Variants in SGSM1 observed in about 807,000 individuals in gnomAD.
SGSM1 encodes the protein small G protein signaling modulator 1.
Under a neutral mutation model 133.8 loss-of-function variants are expected in SGSM1, and 73 were observed. That is an observed-to-expected ratio of 0.55 (90% CI 0.45 to 0.66). The LOEUF is 0.66. Among genes scored for constraint, SGSM1 ranks in the 30% least tolerant of loss-of-function variants. The probability of loss-of-function intolerance (pLI) is 0.00; values close to 1 mark genes in which losing one functional copy is unlikely to be tolerated. For missense variants in SGSM1, 1,213 were observed against 1,448.1 expected, an observed-to-expected ratio of 0.84 and a Z score of 2.64; for synonymous variants, 563 against 573.0, an observed-to-expected ratio of 0.98 and a Z score of 0.25.
chr22:24,873,278 T>C (rs369439032), intron 12 of SGSM1, among the ~76,000 whole-genome samples: 2 of 152,066 alleles, frequency 1.3e-5, no homozygotes, highest in South Asian at 2.1e-4. Context: ...TGTGTTTCTA[T>C]TGGGTAATGC....
rs13055376 is a variant in SGSM1 at position 24,846,035 on chromosome 22, T to C, written c.139+1063T>C. Among the ~76,000 whole-genome samples, 191 of 128,718 alleles carry C rather than the reference T, an allele frequency of 1.5e-3. 2 individuals are homozygous for C. The highest frequency in any genetic ancestry group is 6.9e-3 in the African/African-American group (186 of 27,078). 84.4% of individuals were successfully genotyped at this position (128,718 alleles called of 152,430 possible). On this transcript the variant is annotated intron_variant, in intron 3 of 24. Coordinates refer to ENST00000400358, the MANE Select transcript of SGSM1 (RefSeq NM_001098497.3). ...TTCATTTCTTTCTCTCTTTCTCTCT[T>C]TCTTTCTTTTTTTTTTTTTTTGAGA...
rs766843794 is a variant in SGSM1, at chr22:24,868,461, G to A, written c.1080G>A (p.Leu360=). The A allele has an allele frequency of 3.1e-6, 5 of 1,613,812 alleles. No homozygotes were observed. In the African/African-American group the frequency reaches 6.7e-5, roughly 22 times the overall value. Residue 360 remains leucine (L), a synonymous_variant, in exon 11 of 25, where the codon CTG becomes CTA. Coordinates refer to ENST00000400358, the MANE Select transcript of SGSM1 (RefSeq NM_001098497.3). ...PFRFPKGGHL[L]QFLSCLENGL... Reference sequence around the variant, plus strand: ...GCTTCCCCAAGGGCGGGCACCTCCTGCAGTTCCTCTCGTGCCTGGAGAATG... The same window carrying A: ...GCTTCCCCAAGGGCGGGCACCTCCTACAGTTCCTCTCGTGCCTGGAGAATG...
chr22:24,852,038 G>A (rs955377786), intron 5 of SGSM1, among the ~76,000 whole-genome samples: 4 of 152,204 alleles, frequency 2.6e-5, no homozygotes, highest in Non-Finnish European at 4.4e-5. Context: ...AAGGGAATTA[G>A]TAATTTATTT....
intron 16 of SGSM1, among the ~76,000 whole-genome samples, chr22:24,890,945 T>C (rs1261537549): frequency 6.6e-6 from 1 of 152,232 alleles, no homozygotes; most frequent in African/African-American, 2.4e-5. Context: ...ATACAACTTA[T>C]TTTAAAAGAT....
At chr22:24,895,423 A>G in intron 18 of SGSM1, 132 bp downstream of exon 18, 2 of 948,272 alleles carry the variant, frequency 2.1e-6, no homozygotes, top group Admixed American at 2.4e-5. Context: ...TTAGCATTAA[A>G]CATTGTTTTT....
intron 12 of SGSM1, among the ~76,000 whole-genome samples, chr22:24,873,541 A>G (rs1931869941): frequency 6.6e-6 from 1 of 152,144 alleles, no homozygotes; most frequent in South Asian, 2.1e-4. Context: ...GCTGAGGGAG[A>G]AAGAGTAGGC....
intron 3 of SGSM1, among the ~76,000 whole-genome samples, chr22:24,846,965 T>C (rs144203823): frequency 0.022 from 3,315 of 152,026 alleles, 55 homozygotes; most frequent in East Asian, 0.087. Flanking sequence ...CTCAGCCTCC[T>C]GAGTAGCTGG....
chr22:24,881,430 G>A (rs1932315391), intron 14 of SGSM1, among the ~76,000 whole-genome samples: 1 of 150,106 alleles, frequency 6.7e-6, no homozygotes, highest in Non-Finnish European at 1.5e-5. Flanking sequence ...GTCGGGTGTG[G>A]TGGTGGGCGC....
rs536020834 is a variant in SGSM1, at chr22:24,842,509, G to T, written c.64-2388G>T. Among the ~76,000 whole-genome samples the T allele has an allele frequency of 3.3e-5, 5 of 152,248 alleles. No individual in the cohort carries two copies. The South Asian group carries it at 1.0e-3, about 32-fold the overall frequency. On this transcript the variant is annotated intron_variant, in intron 2 of 24. Transcript: ENST00000400358. ...CTTTGAGCCATTCATTTTCCAAAGAGAACTTTATTGAGCACATACCATGTG... is the reference window on the plus strand; with the variant it reads ...CTTTGAGCCATTCATTTTCCAAAGATAACTTTATTGAGCACATACCATGTG...
At position 24,891,384 on chromosome 22, in the gene SGSM1, G is replaced by A. The variant is rs1001599698; in HGVS notation, c.1771-2047G>A. Among the ~76,000 whole-genome samples the A allele has an allele frequency of 5.3e-5, 8 of 152,280 alleles. No homozygotes were observed. In the South Asian group the frequency reaches 1.0e-3, roughly 20 times the overall value. On this transcript the variant is annotated intron_variant, in intron 16 of 24. Transcript: ENST00000400358. ...AAAAAAATATAAAGGATGGAGGGGA[G>A]ATGACAAAGTATCGAGAAGTGTGGG... is the stretch of plus-strand genomic sequence containing the variant.
chr22:24,903,453 C>T (rs903309571), intron 20 of SGSM1, among the ~76,000 whole-genome samples: 4 of 152,202 alleles, frequency 2.6e-5, no homozygotes, highest in Admixed American at 1.3e-4. Context: ...AGGCAATCCA[C>T]CTGCCTTGAC....
At chr22:24,820,932 G>A (rs1249001055) in intron 2 of SGSM1, among the ~76,000 whole-genome samples, 1 of 152,194 alleles carries the variant, frequency 6.6e-6, no homozygotes, top group Non-Finnish European at 1.5e-5. Flanking sequence ...GGAGAGAGAG[G>A]TTGGGATGAG....
chr22:24,873,421 G>A (rs570733788), intron 12 of SGSM1, among the ~76,000 whole-genome samples: 1 of 152,108 alleles, frequency 6.6e-6, no homozygotes, highest in South Asian at 2.1e-4. Context: ...GATGACAGTA[G>A]CACCTAATTA....
At chr22:24,851,447 GGGGAGAGAGAGAGAGA>G in intron 5 of SGSM1, among the ~76,000 whole-genome samples, 1 of 109,904 alleles carries the variant, frequency 9.1e-6, no homozygotes, top group African/African-American at 3.4e-5. Context: ...GGGGGGGTGG[GGGGAGAGAGAGAGAGA>G]GAGAGAGAGA....
At chr22:24,859,350 C>G (rs1477478340) in intron 8 of SGSM1, among the ~76,000 whole-genome samples, 1 of 152,246 alleles carries the variant, frequency 6.6e-6, no homozygotes, top group East Asian at 1.9e-4. Context: ...TAAGCCTAGC[C>G]AAGATAAATG....
intron 12 of SGSM1, among the ~76,000 whole-genome samples, chr22:24,873,209 C>G (rs570672377): frequency 6.6e-6 from 1 of 152,060 alleles, no homozygotes; most frequent in Non-Finnish European, 1.5e-5. Flanking sequence ...GCAATTCATC[C>G]GCCTCAGGCT....
At position 24,895,306 on chromosome 22, in the gene SGSM1, G is replaced by T; in HGVS notation, c.2022+15G>T. ...GCAGCACACAGGTGACCTTGTGGAG[G>T]CCTCGCCCCCTCCCACCCACTCCTC... is the stretch of plus-strand genomic sequence containing the variant. On this transcript the variant is annotated intron_variant, in intron 18 of 24. Coordinates refer to ENST00000400358, the MANE Select transcript of SGSM1 (RefSeq NM_001098497.3). The T allele has an allele frequency of 6.2e-7, 1 of 1,606,228 alleles. No homozygotes were observed. Among genetic ancestry groups the T allele is most frequent in the Non-Finnish European group, 8.5e-7 (1 of 1,176,632 alleles).
At chr22:24,906,534 G>T (rs1219728221) in intron 21 of SGSM1, among the ~76,000 whole-genome samples, 1 of 152,202 alleles carries the variant, frequency 6.6e-6, no homozygotes, top group African/African-American at 2.4e-5. Flanking sequence ...AAGGTTGCAG[G>T]ATATAAGATC....
chr22:24,898,574 C>A lies in SGSM1; in HGVS notation c.2610+15C>A. On this transcript the variant is annotated intron_variant, in intron 19 of 24. Transcript: ENST00000400358. ...TCACCTACTCTGTAAGTCACCAGGA[C>A]CCTCCGTTCCATTTCCTTCTTTCCA... 1 of 1,569,366 alleles carries A rather than the reference C, an allele frequency of 6.4e-7. No individual in the cohort carries two copies. Among genetic ancestry groups the A allele is most frequent in the African/African-American group, 1.4e-5 (1 of 73,590 alleles).
Sources: gnomAD v4.1 joint callset for allele counts (sites outside exome capture counted in the v4.1 genomes callset) on GRCh38, gnomAD v4.1.1 for gene constraint, MANE v1.5 for transcripts, NCBI Gene and HGNC (gene_info 2026-07-23, HGNC 2026-07-21) for gene names.